The following TRPM3 variants were observed in gnomAD, a reference collection of about 807,000 sequenced individuals.
The protein encoded by TRPM3 is transient receptor potential cation channel subfamily M member 3.
Under a neutral mutation model 181.2 loss-of-function variants are expected in TRPM3, and 77 were observed. The ratio of observed to expected loss-of-function variants is 0.42; its 90% CI spans 0.35 to 0.51. The LOEUF (loss-of-function observed/expected upper bound fraction) is 0.51, where lower values mean the gene tolerates loss of function less well. Among genes scored for constraint, TRPM3 ranks in the 20% least tolerant of loss-of-function variants. The pLI is 0.01. For synonymous variants in TRPM3, 745 were observed against 796.4 expected, an observed-to-expected ratio of 0.94 and a Z score of 1.09; for missense variants, 1,759 against 2,196.7, an observed-to-expected ratio of 0.80 and a Z score of 3.98.
chr9:71,445,902 T>C (rs528592052), intron 1 of TRPM3, among the ~76,000 whole-genome samples: 109 of 152,312 alleles, frequency 7.2e-4, no homozygotes, highest in African/African-American at 2.5e-3. Flanking sequence ...TAGAACAGCG[T>C]TCTCTCCCTC....
At chr9:70,647,644 C>T (rs1015287669) in intron 9 of TRPM3, among the ~76,000 whole-genome samples, 18 of 152,246 alleles carry the variant, frequency 1.2e-4, no homozygotes, top group Non-Finnish European at 1.0e-4. Context: ...GACAAGGATG[C>T]CCACTCTCAC....
chr9:71,175,018 A>C (rs2134844352), intron 1 of TRPM3, among the ~76,000 whole-genome samples: 1 of 152,288 alleles, frequency 6.6e-6, no homozygotes, highest in South Asian at 2.1e-4. Context: ...GGCAGAGAGA[A>C]ATTTCATGGA....
chr9:70,697,994 G>A (rs1467865595), intron 8 of TRPM3, among the ~76,000 whole-genome samples: 8 of 152,096 alleles, frequency 5.3e-5, no homozygotes, highest in African/African-American at 1.7e-4. Flanking sequence ...GATCACCTGA[G>A]GTCAGGAGTT....
chr9:71,316,642 C>A (rs1017055260), intron 1 of TRPM3, among the ~76,000 whole-genome samples: 2 of 152,142 alleles, frequency 1.3e-5, no homozygotes, highest in African/African-American at 4.8e-5. Flanking sequence ...AGGCGACCTC[C>A]AGAAGCTGAA....
intron 1 of TRPM3, among the ~76,000 whole-genome samples, chr9:71,028,270 G>A (rs2056835165): frequency 6.6e-6 from 1 of 152,142 alleles, no homozygotes; most frequent in African/African-American, 2.4e-5. Flanking sequence ...CAAATGCTGA[G>A]GGAATTCCAT....
At chr9:71,133,460 C>T (rs188713812) in intron 1 of TRPM3, among the ~76,000 whole-genome samples, 1 of 152,018 alleles carries the variant, frequency 6.6e-6, no homozygotes, top group Non-Finnish European at 1.5e-5. Flanking sequence ...CCACCACACC[C>T]AGCTAATTTT....
chr9:71,036,621 G>A (rs12005748), intron 1 of TRPM3, among the ~76,000 whole-genome samples: 8,021 of 152,240 alleles, frequency 0.053, 621 homozygotes, highest in African/African-American at 0.17. Flanking sequence ...CATTGTATTT[G>A]TTTTGCATGA....
chr9:71,320,385 T>C (rs1430937322), intron 1 of TRPM3, among the ~76,000 whole-genome samples: 2 of 151,484 alleles, frequency 1.3e-5, no homozygotes, highest in African/African-American at 2.4e-5. Flanking sequence ...AACAGAGTTC[T>C]CTGAGAAGAG....
intron 1 of TRPM3, among the ~76,000 whole-genome samples, chr9:71,021,274 A>G (rs942971665): frequency 6.6e-6 from 1 of 152,196 alleles, no homozygotes; most frequent in Non-Finnish European, 1.5e-5. Flanking sequence ...AGGTGCTGGT[A>G]TTGTTTTATT....
chr9:70,842,081 C>A (rs1020474108), intron 5 of TRPM3, among the ~76,000 whole-genome samples: 2 of 151,924 alleles, frequency 1.3e-5, no homozygotes, highest in Non-Finnish European at 2.9e-5. Context: ...TTTTTAAGGC[C>A]AACAGAGTTT....
rs370586753 is a variant in TRPM3, at chr9:71,197,354, A to G, written c.183+249299T>C. 1.2e-4 allele frequency among the ~76,000 whole-genome samples: 19 copies of G among 152,302 alleles called. No individual in the cohort carries two copies. The East Asian group carries it at 2.7e-3, about 22-fold the overall frequency. ...ATACGTGTGCATGTGTCTTTATAGC[A>G]GCATGATCTATAGTCCTTTGGGTAT... On this transcript the variant is annotated intron_variant, in intron 1 of 24. Coordinates refer to the TRPM3 transcript ENST00000357533.
intron 19 of TRPM3, among the ~76,000 whole-genome samples, chr9:70,608,540 A>AAAATATTATCT (rs1564538421): frequency 6.6e-6 from 1 of 152,016 alleles, no homozygotes; most frequent in East Asian, 1.9e-4. Context: ...AATAGCTGCA[A>AAAATATTATCT]AAATATTATC....
At chr9:71,350,365 G>A (rs10746873) in intron 1 of TRPM3, among the ~76,000 whole-genome samples, 78,318 of 151,868 alleles carry the variant, frequency 0.52, 20,597 homozygotes, top group East Asian at 0.6. Context: ...TCAATACTCC[G>A]GTTAGTTTGC....
At chr9:71,240,374 C>G (rs1465598407) in intron 1 of TRPM3, among the ~76,000 whole-genome samples, 2 of 152,144 alleles carry the variant, frequency 1.3e-5, no homozygotes, top group Non-Finnish European at 2.9e-5. Flanking sequence ...CTGTGTTCAT[C>G]TTTTTATCCC....
chr9:71,381,646 G>A (rs1229720998), intron 1 of TRPM3, among the ~76,000 whole-genome samples: 3 of 152,126 alleles, frequency 2.0e-5, no homozygotes, highest in South Asian at 2.1e-4. Flanking sequence ...TTCACAACAT[G>A]ACTTAGTCAC....
At chr9:71,152,285 T>C (rs942175270) in intron 1 of TRPM3, among the ~76,000 whole-genome samples, 1 of 152,138 alleles carries the variant, frequency 6.6e-6, no homozygotes, top group Non-Finnish European at 1.5e-5. Context: ...AGAGGGTGTA[T>C]GTTATGTATT....
At chr9:70,604,542 C>A (rs180857151) in intron 19 of TRPM3, among the ~76,000 whole-genome samples, 1 of 152,258 alleles carries the variant, frequency 6.6e-6, no homozygotes, top group Non-Finnish European at 1.5e-5. Flanking sequence ...AGGATTGAGG[C>A]CTTGAGGGGT....
intron 1 of TRPM3, among the ~76,000 whole-genome samples, chr9:71,440,479 A>T (rs895246443): frequency 1.3e-5 from 2 of 152,246 alleles, no homozygotes; most frequent in Non-Finnish European, 2.9e-5. Context: ...AAATTGCAAA[A>T]TCCAAGTGAC....
chr9:71,168,641 ATT>A (rs201664621), intron 1 of TRPM3, among the ~76,000 whole-genome samples: 1 of 86,866 alleles, frequency 1.2e-5, no homozygotes, highest in African/African-American at 4.2e-5. Flanking sequence ...ATTATTTTTT[ATT>A]TTTTTTTTTA....
Sources: allele counts gnomAD v4.1 joint callset (sites outside exome capture counted in the v4.1 genomes callset), GRCh38; gene constraint gnomAD v4.1.1; transcripts MANE v1.5; gene names NCBI Gene and HGNC (gene_info 2026-07-23, HGNC 2026-07-21).